The following COL11A1 variants were observed in gnomAD, a reference collection of about 807,000 sequenced individuals.
COL11A1 encodes collagen type XI alpha 1 chain.
COL11A1 carries 74 observed loss-of-function variants against 265.2 expected under a neutral mutation model. The observed-to-expected ratio is 0.28, with a 90% confidence interval of 0.23 to 0.34. COL11A1 has a LOEUF of 0.34. Ranked by LOEUF, COL11A1 falls within the 10% of genes least tolerant of loss-of-function variation. The pLI is 1.00. For synonymous variants in COL11A1, 816 were observed against 727.6 expected (o/e 1.12, Z -1.96); for missense variants, 2,165 against 2,263.6 (o/e 0.96, Z 0.88).
At chr1:102,956,009 C>T (rs1292511251) in intron 41 of COL11A1, among the ~76,000 whole-genome samples, 4 of 152,128 alleles carry the variant, frequency 2.6e-5, no homozygotes, top group African/African-American at 9.7e-5. Flanking sequence ...ACTTTAAAAT[C>T]CCAACGTCAC....
At chr1:103,093,309 C>T (rs186508936) in intron 1 of COL11A1, among the ~76,000 whole-genome samples, 12 of 152,106 alleles carry the variant, frequency 7.9e-5, no homozygotes, top group Admixed American at 5.2e-4. Context: ...GTCAAGATAA[C>T]AGGAGAAGCA....
chr1:103,044,188 C>T (rs575958533), intron 4 of COL11A1, among the ~76,000 whole-genome samples: 10 of 151,230 alleles, frequency 6.6e-5, no homozygotes, highest in South Asian at 4.2e-4. Context: ...TCAAACACCC[C>T]ATACAGTTAA....
rs1479584979 is a variant in COL11A1 at position 102,978,748 on chromosome 1, G to C, written c.2714C>G (p.Thr905Ser). 1 of 1,614,106 alleles carries C rather than the reference G, an allele frequency of 6.2e-7. No individual in the cohort carries two copies. The change falls in exon 35 of 67, where the codon ACT becomes AGT. Residue 905 changes from threonine to serine, a missense_variant. Thr to Ser is a moderately conservative substitution (Grantham distance 58, BLOSUM62 1). Transcript: ENST00000370096. ...GCCAGGAGGGCCATCGCCACCTGAA[G>C]TGCCCTGGCACCAAGAAAAGAAAAG... is the stretch of plus-strand genomic sequence containing the variant. ...GPTGKPGPKG[T>S]SGGDGPPGPP...
Position 103,108,222 on chromosome 1 carries a change from T to C in COL11A1, c.-44A>G. On this transcript the variant is annotated 5_prime_UTR_variant, in exon 1 of 67. Coordinates refer to ENST00000370096, the MANE Select transcript of COL11A1 (RefSeq NM_001854.4). ...CAACTGTGAACTCAACCCACGAAAT[T>C]GCGACTGCAGACCAACTTCGTCCTT... is the stretch of plus-strand genomic sequence containing the variant. The C allele has an allele frequency of 6.5e-7, 1 of 1,528,596 alleles. No individual in the cohort carries two copies. Among genetic ancestry groups the C allele is most frequent in the African/African-American group, 1.4e-5 (1 of 73,242 alleles). 94.7% of individuals were successfully genotyped at this position (1,528,596 alleles called of 1,614,324 possible). A position where few individuals can be genotyped will look rare whatever the true frequency, so the allele number is the denominator to read the frequency against.
At chr1:103,077,320 G>A (rs1379529372) in intron 3 of COL11A1, among the ~76,000 whole-genome samples, 1 of 150,694 alleles carries the variant, frequency 6.6e-6, no homozygotes, top group Non-Finnish European at 1.5e-5. Context: ...ATAAATTGAT[G>A]TTTTTGTTTT....
intron 46 of COL11A1, among the ~76,000 whole-genome samples, chr1:102,927,043 G>A (rs1176311437): frequency 6.6e-6 from 1 of 152,004 alleles, no homozygotes; most frequent in Non-Finnish European, 1.5e-5. Context: ...TGTTTTAACA[G>A]TAATAATTCA....
At chr1:103,039,462 C>T (rs543164802) in intron 4 of COL11A1, among the ~76,000 whole-genome samples, 4 of 152,134 alleles carry the variant, frequency 2.6e-5, no homozygotes, top group East Asian at 3.9e-4. Flanking sequence ...AACGAAGCCA[C>T]TAGTATGGTC....
intron 28 of COL11A1, 139 bp downstream of exon 28, chr1:102,995,725 T>C (rs774256642): frequency 5.2e-5 from 38 of 732,860 alleles, no homozygotes; most frequent in Non-Finnish European, 7.7e-5. Flanking sequence ...GTTGTGAGGA[T>C]AAAGAATACA....
intron 44 of COL11A1, 70 bp from the exon 45 acceptor site, chr1:102,935,183 A>G (rs1235910776): frequency 2.3e-6 from 3 of 1,288,360 alleles, no homozygotes; most frequent in African/African-American, 2.9e-5. Context: ...GAAACAGAAC[A>G]TTTAGCCTAC....
intron 46 of COL11A1, among the ~76,000 whole-genome samples, chr1:102,933,776 C>T (rs551222044): frequency 9.9e-5 from 15 of 152,224 alleles, no homozygotes; most frequent in Admixed American, 2.6e-4. Context: ...AGCCAGGTGC[C>T]GGATATAATC....
chr1:102,920,218 AAC>A, intron 49 of COL11A1, 91 bp downstream of exon 49: 1 of 1,125,100 alleles, frequency 8.9e-7, no homozygotes. Context: ...AAGGCTTAGA[AAC>A]ACACATACTA....
intron 23 of COL11A1, 75 bp downstream of exon 23, chr1:103,002,353 G>A: frequency 1.6e-6 from 2 of 1,231,198 alleles, no homozygotes; most frequent in Non-Finnish European, 2.3e-6. Flanking sequence ...AAAATTGTGA[G>A]ACTGTCGATT....
chr1:102,926,240 A>T (rs1291195134), intron 46 of COL11A1, among the ~76,000 whole-genome samples: 1 of 152,076 alleles, frequency 6.6e-6, no homozygotes, highest in African/African-American at 2.4e-5. Flanking sequence ...GAAATGTCCT[A>T]CCTTTCTCCA....
chr1:102,981,046 T>C (rs558361996), intron 31 of COL11A1, among the ~76,000 whole-genome samples: 2 of 152,186 alleles, frequency 1.3e-5, no homozygotes, highest in Non-Finnish European at 2.9e-5. Flanking sequence ...TCCTACATGA[T>C]GCTATTAAAG....
rs181756306 is a variant in COL11A1, at chr1:102,897,346, C to T, written c.4302+779G>A. 9.3e-4 allele frequency among the ~76,000 whole-genome samples: 141 copies of T among 151,740 alleles called. 1 individual carries two copies. Among genetic ancestry groups the T allele is most frequent in the African/African-American group, 2.9e-3 (121 of 41,412 alleles). The stretch of plus-strand genomic sequence containing the variant: ...ACTTAACTAATACTCACCACACATA[C>T]GAGTGCTATATGTATGATTTGCCAT... On this transcript the variant is annotated intron_variant, in intron 57 of 66. Transcript: ENST00000370096.
chr1:103,054,199 T>C (rs2102154755), intron 4 of COL11A1, among the ~76,000 whole-genome samples: 1 of 152,342 alleles, frequency 6.6e-6, no homozygotes, highest in South Asian at 2.1e-4. Flanking sequence ...TTTTGTTGTT[T>C]TAATACATTA....
At chr1:102,910,512 T>C (rs2101005976) in intron 54 of COL11A1, among the ~76,000 whole-genome samples, 1 of 152,292 alleles carries the variant, frequency 6.6e-6, no homozygotes, top group East Asian at 1.9e-4. Flanking sequence ...ATATAGTCTC[T>C]CCTTTTCTAG....
At chr1:102,933,124 A>G (rs371814404) in intron 46 of COL11A1, among the ~76,000 whole-genome samples, 1 of 149,802 alleles carries the variant, frequency 6.7e-6, no homozygotes, top group Admixed American at 6.7e-5. Flanking sequence ...GCTTTGTTCC[A>G]TTGCTGGTGA....
chr1:103,009,950 CA>C (rs980894214), intron 14 of COL11A1, among the ~76,000 whole-genome samples: 1 of 151,776 alleles, frequency 6.6e-6, no homozygotes, highest in Non-Finnish European at 1.5e-5. Flanking sequence ...TGCAATTATG[CA>C]ATTATAGAAT....
Sources: gnomAD v4.1 joint callset for allele counts (sites outside exome capture counted in the v4.1 genomes callset) on GRCh38, gnomAD v4.1.1 for gene constraint, MANE v1.5 for transcripts, NCBI Gene and HGNC (gene_info 2026-07-23, HGNC 2026-07-21) for gene names.